The following ALDH8A1 variants were observed in gnomAD, a reference collection of about 807,000 sequenced individuals.
ALDH8A1 encodes the protein 2-aminomuconic semialdehyde dehydrogenase.
In ALDH8A1, 39 loss-of-function variants were observed where a neutral mutation model predicts 43.3. The ratio of observed to expected loss-of-function variants is 0.90; its 90% CI spans 0.70 to 1.18. ALDH8A1 has a LOEUF of 1.18. ALDH8A1 is among the 50% of genes most tolerant of loss of function. The pLI, the probability that ALDH8A1 is intolerant of heterozygous loss-of-function variation, is 0.00. For synonymous variants in ALDH8A1, 233 were observed against 243.5 expected, an observed-to-expected ratio of 0.96 and a Z score of 0.40; for missense variants, 605 against 622.6, an observed-to-expected ratio of 0.97 and a Z score of 0.30.
At chr6:134,944,027 A>G in intron 1 of ALDH8A1, 61 bp from the exon 2 acceptor site, 2 of 1,545,490 alleles carry the variant, frequency 1.3e-6, no homozygotes, top group Non-Finnish European at 1.7e-6. Flanking sequence ...GGGGATGGAC[A>G]AAACCAGAAT....
intron 4 of ALDH8A1, among the ~76,000 whole-genome samples, chr6:134,937,434 G>A (rs1773760947): frequency 6.6e-6 from 1 of 152,204 alleles, no homozygotes; most frequent in South Asian, 2.1e-4. Flanking sequence ...TTTGTCAGGG[G>A]AGGAAGTTTC....
chr6:134,943,926 C>A lies in ALDH8A1; in HGVS notation c.179G>T (p.Ser60Ile), dbSNP rs1444452399. 13 of 1,614,138 alleles carry A rather than the reference C, an allele frequency of 8.1e-6. No homozygotes were observed. Among genetic ancestry groups the A allele is most frequent in the African/African-American group, 2.7e-5 (2 of 75,052 alleles). Residue 60 changes from serine to isoleucine, a missense_variant, in exon 2 of 7, where the codon AGC becomes ATC. Transcript: ENST00000265605. ...AVKAAREAFP[S>I]WSSRSPQERS... Reference sequence around the variant, plus strand: ...CTCCTGGGGGCTGCGGGATGACCAGCTGGGAAAGGCTTCTCTGGCGGCCTT... The same window carrying A: ...CTCCTGGGGGCTGCGGGATGACCAGATGGGAAAGGCTTCTCTGGCGGCCTT...
Position 134,933,033 on chromosome 6 carries a change from C to T in ALDH8A1, c.593-1G>A. ...ATATTGACCACACCTGGTGGAACAC[C>T]TGGATAGGAAACAGTATCAGTTATA... On this transcript the variant is annotated splice_acceptor_variant, in intron 4 of 6. Coordinates refer to ENST00000265605, the MANE Select transcript of ALDH8A1 (RefSeq NM_022568.4). LOFTEE classifies it high-confidence loss of function. The T allele has an allele frequency of 6.4e-7, 1 of 1,556,158 alleles. No individual in the cohort carries two copies. The highest frequency in any genetic ancestry group is 8.7e-7 in the Non-Finnish European group (1 of 1,154,460).
intron 5 of ALDH8A1, 51 bp from the exon 6 acceptor site, chr6:134,929,266 T>C (rs1353782151): frequency 2.5e-6 from 4 of 1,585,900 alleles, no homozygotes; most frequent in Non-Finnish European, 2.6e-6. Context: ...CCTTCATGGA[T>C]AGAGCACCCT....
At chr6:134,942,616 C>G (rs1773877568) in intron 2 of ALDH8A1, 52 bp from the exon 3 acceptor site, 1 of 1,555,456 alleles carries the variant, frequency 6.4e-7, no homozygotes, top group Non-Finnish European at 8.8e-7. Flanking sequence ...GACACTCTAT[C>G]CATCAGCTTC....
intron 6 of ALDH8A1, among the ~76,000 whole-genome samples, chr6:134,919,236 T>A (rs1483709158): frequency 6.6e-6 from 1 of 152,260 alleles, no homozygotes; most frequent in Non-Finnish European, 1.5e-5. Flanking sequence ...GAATGGTTCA[T>A]AGAGCTAATA....
Position 134,918,592 on chromosome 6 carries a change from C to CG in ALDH8A1, c.1286_1287insC (p.Arg430AlafsTer7). 1 of 1,614,124 alleles carries CG rather than the reference C, an allele frequency of 6.2e-7. No homozygotes were observed. The highest frequency in any genetic ancestry group is 1.1e-5 in the South Asian group (1 of 91,076). On this transcript the variant is annotated frameshift_variant, in exon 7 of 7. Coordinates refer to ENST00000265605, the MANE Select transcript of ALDH8A1 (RefSeq NM_022568.4). LOFTEE classifies it high-confidence loss of function. ...GCTTCTTAGCCACCCGGTGGACGCG[C>CG]CCCACATTGCTGGACCACACGGTAG...
chr6:134,949,323 A>G lies in ALDH8A1; in HGVS notation c.138+593T>C, dbSNP rs1479344185. ...CTACATCACCAAAAAAATGTAATGC[A>G]TATGCCATTAAACACTTTGGATAAG... On this transcript the variant is annotated intron_variant, in intron 1 of 6. Transcript: ENST00000265605. 3.3e-5 allele frequency among the ~76,000 whole-genome samples: 5 copies of G among 152,346 alleles called. No homozygotes were observed. The South Asian group carries it at 8.3e-4, about 25-fold the overall frequency.
In ALDH8A1 at chr6:134,918,456, C is replaced by T. The variant is rs188652133; in HGVS notation, c.1423G>A (p.Asp475Asn). Residue 475 changes from aspartate (D) to asparagine (N), a missense_variant, in exon 7 of 7, where the codon GAC becomes AAC. Coordinates refer to ENST00000265605, the MANE Select transcript of ALDH8A1 (RefSeq NM_022568.4). Reference sequence around the variant, plus strand: ...ATGGTTTTGATCTCAGTGAAGAAGTCGTAAGAGTCCTTGGCTCCCTCTCTA... The same window carrying T: ...ATGGTTTTGATCTCAGTGAAGAAGTTGTAAGAGTCCTTGGCTCCCTCTCTA... ...IGREGAKDSY[D>N]FFTEIKTITV... The T allele has an allele frequency of 4.3e-6, 7 of 1,614,130 alleles. No homozygotes were observed. Among genetic ancestry groups the T allele is most frequent in the Admixed American group, 3.3e-5 (2 of 60,022 alleles).
In ALDH8A1 at chr6:134,918,490, A is replaced by G. The variant is rs768376560; in HGVS notation, c.1389T>C (p.Ser463=). 11 of 1,614,196 alleles carry G rather than the reference A, an allele frequency of 6.8e-6. No individual in the cohort carries two copies. Among genetic ancestry groups the G allele is most frequent in the Non-Finnish European group, 9.3e-6 (11 of 1,180,038 alleles). ...CCTTGGCTCCCTCTCTACCTATTCC[A>G]GAACTCTTCATCCCCCCGAAAGGAA... is the stretch of plus-strand genomic sequence containing the variant. ...LNLPFGGMKS[S]GIGREGAKDS... Residue 463 remains serine, a synonymous_variant, in exon 7 of 7, where the codon TCT becomes TCC. Transcript: ENST00000265605.
intron 6 of ALDH8A1, among the ~76,000 whole-genome samples, chr6:134,923,849 G>A (rs946940817): frequency 2.6e-5 from 4 of 152,196 alleles, no homozygotes; most frequent in African/African-American, 7.2e-5. Flanking sequence ...TGGTGTATGA[G>A]ATGGGGTGAC....
At position 134,918,778 on chromosome 6, in the gene ALDH8A1, G is replaced by A; in HGVS notation, c.1101C>T (p.Asn367=). The change falls in exon 7 of 7, where the codon AAC becomes AAT. Residue 367 remains asparagine (N), a synonymous_variant. Coordinates refer to ENST00000265605, the MANE Select transcript of ALDH8A1 (RefSeq NM_022568.4). ...GVDKLSLPAR[N]QAGYFMLPTV... is the part of the protein sequence containing the mutation. Reference sequence around the variant, plus strand: ...TGGGAAGCATAAAGTAGCCTGCCTGGTTCCTGGCAGGGAGGCTCAACTTAT... The same window carrying A: ...TGGGAAGCATAAAGTAGCCTGCCTGATTCCTGGCAGGGAGGCTCAACTTAT... 6.2e-7 allele frequency: 1 copy of A among 1,614,166 alleles called. No homozygotes were observed. Among genetic ancestry groups the A allele is most frequent in the Non-Finnish European group, 8.5e-7 (1 of 1,180,028 alleles).
chr6:134,926,498 GC>G (rs1776885771), intron 6 of ALDH8A1, among the ~76,000 whole-genome samples: 1 of 151,972 alleles, frequency 6.6e-6, no homozygotes, highest in African/African-American at 2.4e-5. Context: ...ACCGCACCTG[GC>G]CAGGACCCTT....
intron 6 of ALDH8A1, 63 bp downstream of exon 6, chr6:134,928,991 T>C (rs1230823098): frequency 1.9e-6 from 3 of 1,563,846 alleles, no homozygotes; most frequent in Non-Finnish European, 2.6e-6. Flanking sequence ...GTGCTATGCC[T>C]GTACTGAGCT....
rs1486356221 is a variant in ALDH8A1, at chr6:134,918,722, C to G, written c.1157G>C (p.Cys386Ser). The G allele has an allele frequency of 1.2e-6, 2 of 1,614,186 alleles. No individual in the cohort carries two copies. The highest frequency in any genetic ancestry group is 1.7e-6 in the Non-Finnish European group (2 of 1,180,040). Reference sequence around the variant, plus strand: ...ACCAAATATCTCTTCCGTCATGCAGCAGGATTCATCCTTAATGTCTGTTAT... The same window carrying G: ...ACCAAATATCTCTTCCGTCATGCAGGAGGATTCATCCTTAATGTCTGTTAT... ...TVITDIKDES[C>S]CMTEEIFGPV... is the part of the protein sequence containing the mutation. Residue 386 changes from cysteine to serine, a missense_variant, in exon 7 of 7, where the codon TGC becomes TCC. By Grantham distance (112) the Cys-to-Ser change is moderately radical. Transcript: ENST00000265605.
chr6:134,929,424 A>G (rs1188213900), intron 5 of ALDH8A1, among the ~76,000 whole-genome samples: 1 of 152,224 alleles, frequency 6.6e-6, no homozygotes, highest in Non-Finnish European at 1.5e-5. Context: ...TAAATAATAT[A>G]ACTTCAGGTT....
intron 2 of ALDH8A1, 141 bp downstream of exon 2, chr6:134,943,677 TG>T: frequency 7.7e-7 from 1 of 1,296,840 alleles, no homozygotes; most frequent in Non-Finnish European, 1.0e-6. Context: ...TTCCCAGGCC[TG>T]GAGCAGGGGA....
chr6:134,928,795 C>T (rs1476527976), intron 6 of ALDH8A1, among the ~76,000 whole-genome samples: 1 of 152,206 alleles, frequency 6.6e-6, no homozygotes. Context: ...AATTTGGCTT[C>T]CCCTCTCTAC....
chr6:134,941,782 C>G (rs1773859545), intron 3 of ALDH8A1, among the ~76,000 whole-genome samples: 1 of 152,032 alleles, frequency 6.6e-6, no homozygotes, highest in South Asian at 2.1e-4. Flanking sequence ...CTCAGCCTCT[C>G]AAAGTGCTGG....
Sources: allele counts gnomAD v4.1 joint callset (sites outside exome capture counted in the v4.1 genomes callset), GRCh38; gene constraint gnomAD v4.1.1; transcripts MANE v1.5; gene names NCBI Gene and HGNC (gene_info 2026-07-23, HGNC 2026-07-21).